ZNF589: variants seen among roughly 807,000 people sequenced by gnomAD.
The protein encoded by ZNF589 is KRAB-zinc finger protein SZF1-1.
ZNF589 carries 17 observed loss-of-function variants against 13.6 expected under a neutral mutation model. The ratio of observed to expected loss-of-function variants is 1.25; its 90% CI spans 0.86 to 1.88. The LOEUF is 1.88. Ranked by LOEUF, ZNF589 falls within the 40% of genes most tolerant of loss-of-function variation. ZNF589 has a pLI of 0.00. For synonymous variants in ZNF589, 148 were observed against 161.6 expected (o/e 0.92, Z 0.64); for missense variants, 407 against 434.0 (o/e 0.94, Z 0.55).
At chr3:48,242,901 C>T (rs2033714134) in intron 1 of ZNF589, among the ~76,000 whole-genome samples, 1 of 150,456 alleles carries the variant, frequency 6.6e-6, no homozygotes, top group Non-Finnish European at 1.5e-5. Flanking sequence ...CCCATCTCTA[C>T]TTTAAAAATA....
chr3:48,242,098 C>T (rs1349389271), intron 1 of ZNF589, among the ~76,000 whole-genome samples: 1 of 151,450 alleles, frequency 6.6e-6, no homozygotes, highest in Non-Finnish European at 1.5e-5. Flanking sequence ...AGGTGTTAGC[C>T]ACCCCACCCG....
intron 3 of ZNF589, among the ~76,000 whole-genome samples, chr3:48,262,177 T>G (rs183103251): frequency 5.5e-4 from 84 of 152,234 alleles, no homozygotes; most frequent in African/African-American, 1.9e-3. Context: ...CTCCAATAAA[T>G]AAGGACATTT....
rs1364017035 is a variant in ZNF589, at chr3:48,269,680, G to A, written c.*894G>A. ...TCATCATACACCAGAAGATACACTC[G>A]GGGAAAAGCTTTAGAGGTGCAAGGA... On this transcript the variant is annotated 3_prime_UTR_variant, in exon 4 of 4. Transcript: ENST00000354698. The A allele has an allele frequency of 2.1e-5, 7 of 334,296 alleles. No individual in the cohort carries two copies. Among genetic ancestry groups the A allele is most frequent in the African/African-American group, 4.3e-5 (2 of 46,496 alleles). The allele number at this position is 334,296 out of a possible 1,614,324, so 20.7% of individuals were successfully genotyped here. A position where few individuals can be genotyped will look rare whatever the true frequency, so the allele number is the denominator to read the frequency against.
Position 48,260,881 on chromosome 3 carries a change from G to A in ZNF589, c.165G>A (p.Glu55=). The A allele has an allele frequency of 1.9e-6, 3 of 1,614,206 alleles. No homozygotes were observed. Among genetic ancestry groups the A allele is most frequent in the Non-Finnish European group, 2.5e-6 (3 of 1,180,040 alleles). Residue 55 remains glutamate (E), a synonymous_variant, in exon 3 of 4, where the codon GAG becomes GAA. Coordinates refer to ENST00000354698, the MANE Select transcript of ZNF589 (RefSeq NM_016089.3). ...CAGAGTGGAAGAGACTGAGCCTTGAGCAGAGGAACCTATACAAAGAAGTGA... is the reference window on the plus strand; with the variant it reads ...CAGAGTGGAAGAGACTGAGCCTTGAACAGAGGAACCTATACAAAGAAGTGA... ...TEAEWKRLSL[E]QRNLYKEVML... is the part of the protein sequence containing the mutation.
At chr3:48,246,684 C>G (rs1216537042) in intron 1 of ZNF589, among the ~76,000 whole-genome samples, 1 of 150,018 alleles carries the variant, frequency 6.7e-6, no homozygotes. Context: ...TTTTTTTTTT[C>G]TTGAGACGGA....
chr3:48,241,358 C>T, intron 1 of ZNF589, 144 bp downstream of exon 1: 1 of 1,046,836 alleles, frequency 9.6e-7, no homozygotes, highest in South Asian at 1.6e-5. Flanking sequence ...TCTTACTCCC[C>T]TGGGGGGCCA....
intron 2 of ZNF589, among the ~76,000 whole-genome samples, chr3:48,252,304 G>A (rs2033846947): frequency 6.6e-6 from 1 of 151,556 alleles, no homozygotes; most frequent in Admixed American, 6.6e-5. Context: ...CGATTCTCCT[G>A]CCTCAGCCTC....
In ZNF589 at chr3:48,268,785, GAGGCCGA is replaced by G; in HGVS notation, c.1095_*6del. On this transcript the variant is annotated stop_lost and 3_prime_UTR_variant, in exon 4 of 4. Transcript: ENST00000354698. Reference sequence around the variant, plus strand: ...GATAAGCCTTATGTGTGCAGAGATTGAGGCCGAGGCTTTGTAAGGAGATCATGTCTCA... The same window carrying G: ...GATAAGCCTTATGTGTGCAGAGATTGGGCTTTGTAAGGAGATCATGTCTCA... 1 of 1,609,370 alleles carries G rather than the reference GAGGCCGA, an allele frequency of 6.2e-7. No homozygotes were observed. The highest frequency in any genetic ancestry group is 8.5e-7 in the Non-Finnish European group (1 of 1,177,370).
chr3:48,243,641 A>C (rs1047179077), intron 1 of ZNF589, among the ~76,000 whole-genome samples: 2 of 152,008 alleles, frequency 1.3e-5, no homozygotes, highest in Non-Finnish European at 2.9e-5. Flanking sequence ...GTGAACCTCT[A>C]TCTCTACTAA....
Position 48,268,566 on chromosome 3 carries a change from G to A in ZNF589, c.875G>A (p.Arg292His), listed in dbSNP as rs752665188. Residue 292 changes from arginine to histidine, a missense_variant, in exon 4 of 4, where the codon CGC becomes CAC. Transcript: ENST00000354698. ...GRGFIVESVL[R>H]NHLSTHSGEK... ...GGCTTTATAGTTGAGTCAGTCCTCC[G>A]CAACCACCTGAGTACACACTCCGGG... 19 of 1,610,134 alleles carry A rather than the reference G, an allele frequency of 1.2e-5. No individual in the cohort carries two copies. The highest frequency in any genetic ancestry group is 6.7e-5 in the Admixed American group (4 of 59,570).
intron 2 of ZNF589, among the ~76,000 whole-genome samples, chr3:48,252,141 C>T (rs1005297204): frequency 6.6e-6 from 1 of 151,920 alleles, no homozygotes; most frequent in Non-Finnish European, 1.5e-5. Flanking sequence ...AATGTAGTAG[C>T]TTTATGGTGA....
At chr3:48,257,947 TGTG>T (rs1361108652) in intron 2 of ZNF589, 1 of 450,818 alleles carries the variant, frequency 2.2e-6, no homozygotes. Flanking sequence ...TCTCAAGTAT[TGTG>T]GTGATCAAAT....
At chr3:48,265,435 C>A (rs891711186) in intron 3 of ZNF589, among the ~76,000 whole-genome samples, 1 of 151,510 alleles carries the variant, frequency 6.6e-6, no homozygotes, top group South Asian at 2.1e-4. Context: ...TACAGGCCGG[C>A]GCCACCATGA....
At chr3:48,257,279 A>G (rs2033914368) in intron 2 of ZNF589, among the ~76,000 whole-genome samples, 1 of 151,934 alleles carries the variant, frequency 6.6e-6, no homozygotes, top group African/African-American at 2.4e-5. Flanking sequence ...TTTTGTTTTG[A>G]GACAGAGTCT....
chr3:48,244,897 C>T (rs1196050530), intron 1 of ZNF589, among the ~76,000 whole-genome samples: 1 of 151,824 alleles, frequency 6.6e-6, no homozygotes, highest in African/African-American at 2.4e-5. Flanking sequence ...CCACTGGAAC[C>T]TCCGCCTCCC....
chr3:48,252,831 C>T lies in ZNF589; in HGVS notation c.96+5154C>T, dbSNP rs533406812. On this transcript the variant is annotated intron_variant, in intron 2 of 3. Transcript: ENST00000354698. ...TGGAGACGGGGTTTCACCATGTTAT[C>T]CAGGATGGTCTCAATCTCCTGACCT... Among the ~76,000 whole-genome samples, 90 of 151,534 alleles carry T rather than the reference C, an allele frequency of 5.9e-4. No homozygotes were observed. The Middle Eastern group carries it at 0.01, about 17-fold the overall frequency.
chr3:48,261,846 G>T (rs1210459313), intron 3 of ZNF589, among the ~76,000 whole-genome samples: 1 of 152,196 alleles, frequency 6.6e-6, no homozygotes, highest in East Asian at 1.9e-4. Flanking sequence ...CTGTTTCAGT[G>T]TAGGTTCATC....
chr3:48,246,823 C>T (rs978790042), intron 1 of ZNF589, among the ~76,000 whole-genome samples: 5 of 152,032 alleles, frequency 3.3e-5, no homozygotes, highest in Non-Finnish European at 7.4e-5. Flanking sequence ...TGCCCGCCAC[C>T]ACACCCAGCT....
rs754308340 is a variant in ZNF589 at position 48,268,134 on chromosome 3, AAGG to A, written c.447_449del (p.Gly150del). The stretch of plus-strand genomic sequence containing the variant: ...GCTGAAGCAGAAGATCAACGAGTGG[AAGG>A]AGGCGTCAGACCCTTGTTTTGGAGT... On this transcript the variant is annotated inframe_deletion, in exon 4 of 4. Coordinates refer to ENST00000354698, the MANE Select transcript of ZNF589 (RefSeq NM_016089.3). The A allele has an allele frequency of 1.4e-5, 23 of 1,614,168 alleles. No homozygotes were observed. In the South Asian group the frequency reaches 1.9e-4, roughly 13 times the overall value.
Sources: allele counts gnomAD v4.1 joint callset (sites outside exome capture counted in the v4.1 genomes callset), GRCh38; gene constraint gnomAD v4.1.1; transcripts MANE v1.5; gene names NCBI Gene and HGNC (gene_info 2026-07-23, HGNC 2026-07-21).